CAMK2B: variants seen among roughly 807,000 people sequenced by gnomAD.
CAMK2B encodes the protein calcium/calmodulin dependent protein kinase II beta.
Under a neutral mutation model 93.7 loss-of-function variants are expected in CAMK2B, and 27 were observed. The observed-to-expected ratio is 0.29, with a 90% CI of 0.21 to 0.40. CAMK2B has a LOEUF of 0.40. CAMK2B is among the 10% of genes least tolerant of loss of function. The probability of loss-of-function intolerance (pLI) is 1.00; values close to 1 mark genes in which losing one functional copy is unlikely to be tolerated. For missense variants in CAMK2B, 568 were observed against 895.8 expected (o/e 0.63, Z 4.67); for synonymous variants, 374 against 358.8 (o/e 1.04, Z -0.48).
intron 1 of CAMK2B, among the ~76,000 whole-genome samples, chr7:44,316,062 A>G (rs1416640253): frequency 2.0e-5 from 3 of 152,148 alleles, no homozygotes; most frequent in Non-Finnish European, 4.4e-5. Context: ...TTTCTTGCCT[A>G]ATTGCCCTGG....
chr7:44,283,617 T>C (rs1263749391), intron 2 of CAMK2B, among the ~76,000 whole-genome samples: 1 of 152,242 alleles, frequency 6.6e-6, no homozygotes, highest in Non-Finnish European at 1.5e-5. Flanking sequence ...CAGTAGGCCA[T>C]GACGCCAGGA....
At chr7:44,280,756 T>C (rs2097095674) in intron 2 of CAMK2B, among the ~76,000 whole-genome samples, 1 of 152,012 alleles carries the variant, frequency 6.6e-6, no homozygotes. Context: ...CACACAGCAG[T>C]GGGAAGGGAT....
At chr7:44,232,714 G>GT in intron 16 of CAMK2B, 108 bp downstream of exon 16, 1 of 966,780 alleles carries the variant, frequency 1.0e-6, no homozygotes, top group Non-Finnish European at 1.5e-6. Context: ...GGGCGGCCAG[G>GT]GCATGGGACA....
chr7:44,271,752 T>C lies in CAMK2B; in HGVS notation c.161-8688A>G, dbSNP rs1391532303. Among the ~76,000 whole-genome samples, 1 of 152,250 alleles carries C rather than the reference T, an allele frequency of 6.6e-6. No homozygotes were observed. The highest frequency in any genetic ancestry group is 2.4e-5 in the African/African-American group (1 of 41,466). On this transcript the variant is annotated intron_variant, in intron 2 of 23. Transcript: ENST00000395749. The surrounding 1 kb of genome is among the most constrained non-coding windows in gnomAD (Gnocchi z 4.2). ...AACCAGTCCTGACCCCAAAGTCAGC[T>C]TGGGCCATGCGGCAGGGACTGCCCA...
intron 13 of CAMK2B, among the ~76,000 whole-genome samples, chr7:44,238,312 T>TG (rs2096644993): frequency 6.6e-6 from 1 of 152,172 alleles, no homozygotes; most frequent in Admixed American, 6.5e-5. Context: ...CACGTTCACT[T>TG]GCAGACAGGC....
chr7:44,300,008 A>ATGTGTG (rs931901667), intron 1 of CAMK2B, among the ~76,000 whole-genome samples: 1 of 118,952 alleles, frequency 8.4e-6, no homozygotes, highest in Non-Finnish European at 1.8e-5. Flanking sequence ...ATGTATGTAT[A>ATGTGTG]TGTGTATGTG....
At chr7:44,285,849 GGA>G (rs1784918445) in intron 1 of CAMK2B, among the ~76,000 whole-genome samples, 1 of 88,276 alleles carries the variant, frequency 1.1e-5, no homozygotes, top group Non-Finnish European at 2.3e-5. Context: ...GGTGTGGGGG[GGA>G]CACGGCGTGG....
intron 2 of CAMK2B, among the ~76,000 whole-genome samples, chr7:44,280,124 C>A (rs1223000545): frequency 6.6e-6 from 1 of 152,228 alleles, no homozygotes; most frequent in Non-Finnish European, 1.5e-5. Flanking sequence ...CTCCCGAGGT[C>A]TCGCACAATT....
At chr7:44,229,675 C>T (rs1040527964) in intron 17 of CAMK2B, 174 bp from the exon 18 acceptor site, 14 of 487,154 alleles carry the variant, frequency 2.9e-5, no homozygotes, top group Admixed American at 2.3e-4. Context: ...CTGTGGTGGC[C>T]GCAGCAGGTA....
chr7:44,268,538 A>C (rs1388208539), intron 2 of CAMK2B: 1 of 152,316 alleles, frequency 6.6e-6, no homozygotes, highest in Non-Finnish European at 1.5e-5. Flanking sequence ...GCAGAGGCCC[A>C]AACAAAGCAA....
intron 1 of CAMK2B, among the ~76,000 whole-genome samples, chr7:44,305,967 A>T (rs548623405): frequency 4.6e-5 from 7 of 151,942 alleles, no homozygotes; most frequent in Non-Finnish European, 7.4e-5. Flanking sequence ...CCTCTGTTAA[A>T]CATTGACCAG....
Position 44,244,740 on chromosome 7 carries a change from G to A in CAMK2B, c.415-1213C>T, listed in dbSNP as rs562596717. The A allele has an allele frequency of 1.7e-4, 52 of 308,170 alleles. 1 individual carries two copies. Among genetic ancestry groups the A allele is most frequent in the South Asian group, 1.3e-3 (52 of 41,244 alleles). 19.1% of individuals were successfully genotyped at this position (308,170 alleles called of 1,614,324 possible). A position where few individuals can be genotyped will look rare whatever the true frequency, so the allele number is the denominator to read the frequency against. On this transcript the variant is annotated intron_variant, in intron 6 of 23. Transcript: ENST00000395749. ...TATGCTATCCCCATGTGGAAAGACT[G>A]CCACAGCCCCGAGCTGTGAGCGCCC...
intron 1 of CAMK2B, among the ~76,000 whole-genome samples, chr7:44,297,789 A>C (rs1253949150): frequency 2.0e-5 from 3 of 152,226 alleles, no homozygotes; most frequent in African/African-American, 7.2e-5. Context: ...TTGAAAAAGA[A>C]AAACAAAGTT....
Position 44,243,282 on chromosome 7 carries a change from G to A in CAMK2B, c.569C>T (p.Ala190Val), listed in dbSNP as rs2096699547. The A allele has an allele frequency of 1.9e-6, 3 of 1,613,950 alleles. No homozygotes were observed. Among genetic ancestry groups the A allele is most frequent in the South Asian group, 1.1e-5 (1 of 91,088 alleles). The change falls in exon 8 of 24, where the codon GCG becomes GTG. Residue 190 changes from alanine (A) to valine (V), a missense_variant. Physicochemically the swap from Ala to Val is moderately conservative, Grantham distance 64 (BLOSUM62 0). Coordinates refer to ENST00000395749, the MANE Select transcript of CAMK2B (RefSeq NM_001220.5). Reference sequence around the variant, plus strand: ...CCAGATGTCCACAGGCTTGCCATACGCCTCTTTGCGAAGGACCTCAGGGGA... The same window carrying A: ...CCAGATGTCCACAGGCTTGCCATACACCTCTTTGCGAAGGACCTCAGGGGA... ...YLSPEVLRKEAYGKPVDIWAC... is the reference protein window; with the variant it reads ...YLSPEVLRKEVYGKPVDIWAC...
At chr7:44,244,115 G>A (rs1046323052) in intron 6 of CAMK2B, among the ~76,000 whole-genome samples, 1 of 152,166 alleles carries the variant, frequency 6.6e-6, no homozygotes, top group South Asian at 2.1e-4. Context: ...GGCAGCCCAG[G>A]ACATCCACCC....
At chr7:44,236,435 G>A (rs1027769774) in intron 13 of CAMK2B, among the ~76,000 whole-genome samples, 10 of 152,164 alleles carry the variant, frequency 6.6e-5, no homozygotes, top group African/African-American at 2.2e-4. Context: ...AGAAGTAGAG[G>A]GGCCTCAGGC....
At chr7:44,279,111 G>A (rs2097079864) in intron 2 of CAMK2B, among the ~76,000 whole-genome samples, 1 of 152,186 alleles carries the variant, frequency 6.6e-6, no homozygotes, top group Non-Finnish European at 1.5e-5. Flanking sequence ...AGGAATTACT[G>A]TCCATTTTTC....
chr7:44,230,609 G>T (rs1023849100), intron 17 of CAMK2B, among the ~76,000 whole-genome samples: 1 of 152,220 alleles, frequency 6.6e-6, no homozygotes, highest in African/African-American at 2.4e-5. Context: ...TCACCCAGCT[G>T]CCCGGCCACT....
intron 16 of CAMK2B, 109 bp downstream of exon 16, chr7:44,232,713 G>GT (rs1392418758): frequency 2.1e-6 from 2 of 955,468 alleles, no homozygotes; most frequent in Admixed American, 4.7e-5. Flanking sequence ...GGGGCGGCCA[G>GT]GGCATGGGAC....
Sources: gnomAD v4.1 joint callset for allele counts (sites outside exome capture counted in the v4.1 genomes callset) on GRCh38, gnomAD v4.1.1 for gene constraint, Gnocchi (gnomAD v3.1) non-coding constraint, MANE v1.5 for transcripts, NCBI Gene and HGNC (gene_info 2026-07-23, HGNC 2026-07-21) for gene names.